KICS2: variants seen among roughly 807,000 people sequenced by gnomAD.
KICS2 encodes KICSTOR subunit 2, also known as KICSTOR complex protein C12orf66.
In KICS2, 13 loss-of-function variants were observed where a neutral mutation model predicts 31.4. The observed-to-expected ratio is 0.41, with a 90% CI of 0.27 to 0.66. The LOEUF (loss-of-function observed/expected upper bound fraction) is 0.66, where lower values mean the gene tolerates loss of function less well. Ranked by LOEUF, KICS2 falls within the 30% of genes least tolerant of loss-of-function variation. The pLI is 0.28. For synonymous variants in KICS2, 209 were observed against 214.8 expected (o/e 0.97, Z 0.24); for missense variants, 455 against 545.4 (o/e 0.83, Z 1.65).
At chr12:64,218,648 TG>T (rs2037652071) in intron 1 of KICS2, among the ~76,000 whole-genome samples, 1 of 151,950 alleles carries the variant, frequency 6.6e-6, no homozygotes, top group Non-Finnish European at 1.5e-5. Flanking sequence ...GTGGCCTTGG[TG>T]AAAATTTTAA....
At chr12:64,187,637 C>T (rs2037348464), downstream of KICS2, 9 of 1,535,608 alleles carry the variant, frequency 5.9e-6, no homozygotes, top group Admixed American at 2.0e-5. Context: ...GAAATAATTG[C>T]ATTGGTAACA....
In KICS2 at chr12:64,195,650, C is replaced by T. The variant is rs113152602; in HGVS notation, c.522-992G>A. Among the ~76,000 whole-genome samples, 271 of 152,322 alleles carry T rather than the reference C, an allele frequency of 1.8e-3. 2 individuals carry two copies. Among genetic ancestry groups the T allele is most frequent in the Middle Eastern group, 6.8e-3 (2 of 294 alleles). On this transcript the variant is annotated intron_variant, in intron 2 of 2. Transcript: ENST00000398055. ...GGTCTACAGCTCCCAGCATGAGCAA[C>T]GCAGAAGACGGGTGATTTCTGCATT...
intron 2 of KICS2, among the ~76,000 whole-genome samples, chr12:64,206,804 G>C (rs2037542385): frequency 6.6e-6 from 1 of 152,100 alleles, no homozygotes. Flanking sequence ...GACAAATACT[G>C]TATGATTCTA....
chr12:64,215,527 T>C, intron 2 of KICS2, 151 bp downstream of exon 2: 1 of 755,334 alleles, frequency 1.3e-6, no homozygotes. Flanking sequence ...TGTATACCTG[T>C]TGATTAATGA....
intron 1 of KICS2, 27 bp from the exon 2 acceptor site, chr12:64,215,990 G>T: frequency 1.3e-6 from 2 of 1,584,074 alleles, no homozygotes; most frequent in South Asian, 1.1e-5. Context: ...ATAAGCACAT[G>T]ACAAGTAAGA....
downstream of KICS2, among the ~76,000 whole-genome samples, chr12:64,188,808 C>T (rs192749687): frequency 6.6e-6 from 1 of 151,968 alleles, no homozygotes; most frequent in East Asian, 2.0e-4. Flanking sequence ...TTTTAAAACT[C>T]CCCATTGTCT....
At chr12:64,204,034 C>T (rs1022824015) in intron 2 of KICS2, among the ~76,000 whole-genome samples, 3 of 152,240 alleles carry the variant, frequency 2.0e-5, no homozygotes, top group African/African-American at 7.2e-5. Context: ...GAAAACTAAA[C>T]ACTGCATGTT....
intron 2 of KICS2, among the ~76,000 whole-genome samples, chr12:64,196,392 G>C (rs1468663276): frequency 1.3e-5 from 2 of 151,066 alleles, no homozygotes; most frequent in South Asian, 2.1e-4. Context: ...TGAGGGTCCT[G>C]TCTGTTAGAA....
chr12:64,212,741 C>G (rs2037592970), intron 2 of KICS2, among the ~76,000 whole-genome samples: 1 of 151,970 alleles, frequency 6.6e-6, no homozygotes. Context: ...GTTCATTATA[C>G]TATATTTGCA....
chr12:64,201,529 G>A (rs1437559197), intron 2 of KICS2, among the ~76,000 whole-genome samples: 13 of 126,158 alleles, frequency 1.0e-4, no homozygotes, highest in African/African-American at 1.6e-4. Flanking sequence ...TGGGTGCAGC[G>A]CACCAGCATG....
At chr12:64,208,490 A>G (rs1474788113) in intron 2 of KICS2, among the ~76,000 whole-genome samples, 1 of 152,234 alleles carries the variant, frequency 6.6e-6, no homozygotes, top group Non-Finnish European at 1.5e-5. Flanking sequence ...CAGAAATTGC[A>G]CTACTACTAG....
chr12:64,194,020 T>G lies in KICS2; in HGVS notation c.1160A>C (p.Asp387Ala), dbSNP rs2037407408. The G allele has an allele frequency of 6.2e-7, 1 of 1,614,170 alleles. No individual in the cohort carries two copies. The highest frequency in any genetic ancestry group is 1.3e-5 in the African/African-American group (1 of 75,028). ...TAGGAAGTAGGTACTCTGAACTTTGTCATCATAGAAGTGGACCACTTTCTC... is the reference window on the plus strand; with the variant it reads ...TAGGAAGTAGGTACTCTGAACTTTGGCATCATAGAAGTGGACCACTTTCTC... The part of the protein sequence containing the change: ...SLEKVVHFYD[D>A]KVQSTYFLTR... Residue 387 changes from aspartate (D) to alanine (A), a missense_variant, in exon 3 of 3, where the codon GAC (aspartate) becomes GCC (alanine). Physicochemically the swap from Asp to Ala is moderately radical, Grantham distance 126. Coordinates refer to ENST00000398055, the MANE Select transcript of KICS2 (RefSeq NM_152440.5).
chr12:64,202,896 T>C (rs2037503884), intron 2 of KICS2, among the ~76,000 whole-genome samples: 2 of 152,008 alleles, frequency 1.3e-5, no homozygotes, highest in South Asian at 2.1e-4. Flanking sequence ...AGTGAGCACA[T>C]GACCCATTTT....
chr12:64,195,155 T>C (rs989264219), intron 2 of KICS2, among the ~76,000 whole-genome samples: 2 of 152,208 alleles, frequency 1.3e-5, no homozygotes, highest in Non-Finnish European at 2.9e-5. Flanking sequence ...CTCTAAGTGA[T>C]CTTCCCACCT....
At chr12:64,202,068 C>G (rs1258603975) in intron 2 of KICS2, among the ~76,000 whole-genome samples, 1 of 152,168 alleles carries the variant, frequency 6.6e-6, no homozygotes, top group Non-Finnish European at 1.5e-5. Flanking sequence ...GAGTACAAGA[C>G]AGTAGTGCAA....
chr12:64,207,379 G>A (rs1009567722), intron 2 of KICS2, among the ~76,000 whole-genome samples: 3 of 151,682 alleles, frequency 2.0e-5, no homozygotes, highest in African/African-American at 7.3e-5. Flanking sequence ...AAAAAGCAGG[G>A]GGAAAGAGTA....
intron 1 of KICS2, chr12:64,221,369 C>G (rs1323323192): frequency 6.6e-6 from 1 of 152,338 alleles, no homozygotes; most frequent in Non-Finnish European, 1.5e-5. Flanking sequence ...CTTATTGCTT[C>G]TACTAGTAAA....
At chr12:64,201,970 A>T (rs1032542450) in intron 2 of KICS2, among the ~76,000 whole-genome samples, 2 of 152,258 alleles carry the variant, frequency 1.3e-5, no homozygotes, top group African/African-American at 4.8e-5. Context: ...TGAATAATGT[A>T]GTCCCTTCCC....
intron 2 of KICS2, among the ~76,000 whole-genome samples, chr12:64,203,901 T>C (rs1355357570): frequency 6.6e-6 from 1 of 152,148 alleles, no homozygotes; most frequent in Non-Finnish European, 1.5e-5. Context: ...AGATTAAGTC[T>C]AATAATATAC....
Sources: gnomAD v4.1 joint callset for allele counts (sites outside exome capture counted in the v4.1 genomes callset) on GRCh38, gnomAD v4.1.1 for gene constraint, MANE v1.5 for transcripts, NCBI Gene and HGNC (gene_info 2026-07-23, HGNC 2026-07-21) for gene names.